Variants in PPP3CA observed in about 807,000 individuals in gnomAD.
PPP3CA encodes the protein CAM-PRP catalytic subunit.
Under a neutral mutation model 66.5 loss-of-function variants are expected in PPP3CA, and 14 were observed. The ratio of observed to expected loss-of-function variants is 0.21; its 90% confidence interval spans 0.14 to 0.33. The LOEUF (loss-of-function observed/expected upper bound fraction) is 0.33. PPP3CA is among the 10% of genes least tolerant of loss of function. PPP3CA has a pLI of 1.00. For synonymous variants in PPP3CA, 232 were observed against 226.2 expected (o/e 1.03, Z -0.23); for missense variants, 317 against 639.5 (o/e 0.50, Z 5.44).
At chr4:101,094,060 T>G in intron 5 of PPP3CA, 145 bp from the exon 6 acceptor site, 1 of 627,552 alleles carries the variant, frequency 1.6e-6, no homozygotes, top group Non-Finnish European at 2.4e-6. Context: ...TCTCTCTCTC[T>G]TCCTGTCCTT....
At chr4:101,249,960 T>G (rs953388722) in intron 1 of PPP3CA, among the ~76,000 whole-genome samples, 6 of 152,202 alleles carry the variant, frequency 3.9e-5, no homozygotes, top group African/African-American at 1.4e-4. Context: ...TTTCTTTACT[T>G]TTCTCAGTGC....
At chr4:101,216,348 G>A (rs188596955) in intron 1 of PPP3CA, among the ~76,000 whole-genome samples, 6 of 152,080 alleles carry the variant, frequency 3.9e-5, no homozygotes, top group African/African-American at 1.4e-4. Flanking sequence ...GATAACAAAT[G>A]ACCATAATTA....
At chr4:101,193,140 C>A (rs903662996) in intron 2 of PPP3CA, among the ~76,000 whole-genome samples, 4 of 152,144 alleles carry the variant, frequency 2.6e-5, no homozygotes, top group Non-Finnish European at 5.9e-5. Flanking sequence ...ATATCTGTTT[C>A]CATTTTTTCC....
chr4:101,181,531 C>T (rs768959469), intron 2 of PPP3CA, among the ~76,000 whole-genome samples: 79 of 151,968 alleles, frequency 5.2e-4, no homozygotes, highest in African/African-American at 1.3e-3. Flanking sequence ...CTCTGTTATG[C>T]GAATAGTTTT....
intron 8 of PPP3CA, among the ~76,000 whole-genome samples, chr4:101,073,538 G>A (rs778963903): frequency 1.3e-5 from 2 of 152,040 alleles, no homozygotes; most frequent in African/African-American, 2.4e-5. Context: ...GCCTCTCAAA[G>A]TGCTGGGATG....
intron 10 of PPP3CA, among the ~76,000 whole-genome samples, chr4:101,058,855 T>C (rs1230176307): frequency 6.6e-6 from 1 of 152,124 alleles, no homozygotes; most frequent in Non-Finnish European, 1.5e-5. Flanking sequence ...TAGTAGATAC[T>C]GAATATATAT....
intron 2 of PPP3CA, among the ~76,000 whole-genome samples, chr4:101,165,579 A>G (rs1302046419): frequency 6.6e-6 from 1 of 152,198 alleles, no homozygotes; most frequent in Non-Finnish European, 1.5e-5. Flanking sequence ...AGAATAAAAG[A>G]AAAACCCTTG....
intron 2 of PPP3CA, among the ~76,000 whole-genome samples, chr4:101,141,213 T>A (rs1722797763): frequency 6.6e-6 from 1 of 151,978 alleles, no homozygotes; most frequent in Admixed American, 6.6e-5. Flanking sequence ...CTACTAAAAA[T>A]ACAAAAATTA....
At chr4:101,045,943 A>C (rs1727746536) in intron 10 of PPP3CA, among the ~76,000 whole-genome samples, 1 of 152,246 alleles carries the variant, frequency 6.6e-6, no homozygotes, top group Admixed American at 6.5e-5. Context: ...GTATGTTTAA[A>C]ATATTTTGTA....
At chr4:101,187,692 C>G (rs1433620764) in intron 2 of PPP3CA, among the ~76,000 whole-genome samples, 2 of 152,024 alleles carry the variant, frequency 1.3e-5, no homozygotes, top group African/African-American at 4.8e-5. Context: ...TCTTATTCGC[C>G]AAATGGTATC....
intron 2 of PPP3CA, among the ~76,000 whole-genome samples, chr4:101,180,299 A>G (rs1232792274): frequency 2.6e-5 from 4 of 152,142 alleles, no homozygotes; most frequent in African/African-American, 7.2e-5. Flanking sequence ...TGGCACCCAT[A>G]ATTAACAAGT....
intron 2 of PPP3CA, among the ~76,000 whole-genome samples, chr4:101,148,104 T>C (rs1723025061): frequency 1.3e-5 from 2 of 152,154 alleles, no homozygotes; most frequent in South Asian, 4.1e-4. Context: ...ACTGAAATTA[T>C]CATTATTGCT....
At chr4:101,060,561 T>C (rs1488021269) in intron 10 of PPP3CA, among the ~76,000 whole-genome samples, 1 of 152,008 alleles carries the variant, frequency 6.6e-6, no homozygotes, top group Non-Finnish European at 1.5e-5. Context: ...AAGTAATATC[T>C]TAAAAAACAT....
rs538050708 is a variant in PPP3CA at position 101,229,503 on chromosome 4, A to T, written c.59-33387T>A. On this transcript the variant is annotated intron_variant, in intron 1 of 13. Coordinates refer to ENST00000394854, the MANE Select transcript of PPP3CA (RefSeq NM_000944.5). ...ATTTTATGATAGCCTCTTCTCTCTA[A>T]AAGTTCTTGTACTTTTCAAGAACTG... Among the ~76,000 whole-genome samples the T allele has an allele frequency of 2.6e-5, 4 of 151,854 alleles. No individual in the cohort carries two copies. In the East Asian group the frequency reaches 7.8e-4, roughly 30 times the overall value.
chr4:101,160,116 T>G (rs1317576737), intron 2 of PPP3CA, among the ~76,000 whole-genome samples: 2 of 151,546 alleles, frequency 1.3e-5, no homozygotes, highest in African/African-American at 2.4e-5. Context: ...AAAGTATGGT[T>G]GGTGCACGCC....
chr4:101,225,524 A>G (rs1001524833), intron 1 of PPP3CA, among the ~76,000 whole-genome samples: 3 of 151,864 alleles, frequency 2.0e-5, no homozygotes, highest in Admixed American at 2.0e-4. Context: ...CCCTTTAGGT[A>G]TCTTTGAAAT....
At chr4:101,131,325 A>G (rs1266203087) in intron 2 of PPP3CA, among the ~76,000 whole-genome samples, 1 of 151,498 alleles carries the variant, frequency 6.6e-6, no homozygotes, top group Non-Finnish European at 1.5e-5. Context: ...GTCAAGACCC[A>G]TTGGTGTGCT....
chr4:101,286,880 A>G (rs1054927559), intron 1 of PPP3CA, among the ~76,000 whole-genome samples: 2 of 152,236 alleles, frequency 1.3e-5, no homozygotes, highest in African/African-American at 2.4e-5. Flanking sequence ...GACAGAGTTC[A>G]GCCTCTCACA....
intron 1 of PPP3CA, among the ~76,000 whole-genome samples, chr4:101,297,281 C>T (rs975706235): frequency 2.6e-5 from 4 of 152,158 alleles, no homozygotes; most frequent in African/African-American, 7.2e-5. Context: ...TATCTCTCTT[C>T]GCACTGTGCC....
Sources: allele counts gnomAD v4.1 joint callset (sites outside exome capture counted in the v4.1 genomes callset), GRCh38; gene constraint gnomAD v4.1.1; transcripts MANE v1.5; gene names NCBI Gene and HGNC (gene_info 2026-07-23, HGNC 2026-07-21).